NAT1: variants seen among roughly 807,000 people sequenced by gnomAD.
The protein encoded by NAT1 is N-acetyltransferase 1.
For synonymous variants in NAT1, 144 were observed against 122.6 expected (o/e 1.17, Z -1.16); for missense variants, 400 against 339.2 (o/e 1.18, Z -1.41).
chr8:18,205,913 G>C (rs1423627915), upstream of NAT1, among the ~76,000 whole-genome samples: 1 of 152,198 alleles, frequency 6.6e-6, no homozygotes. Flanking sequence ...GGCCCTATTT[G>C]ATGGGCAAGA....
At chr8:18,178,027 A>G (rs965570080) in intron 2 of NAT1, among the ~76,000 whole-genome samples, 7 of 152,102 alleles carry the variant, frequency 4.6e-5, no homozygotes, top group African/African-American at 1.7e-4. Flanking sequence ...TTTCTAACAA[A>G]TGGTGCAATT....
intron 2 of NAT1, among the ~76,000 whole-genome samples, chr8:18,201,917 A>C (rs1393753537): frequency 1.3e-5 from 2 of 152,238 alleles, no homozygotes. Context: ...TGAAGTCAGT[A>C]ATCTCATGAA....
At chr8:18,208,807 G>A (rs181926987), upstream of NAT1, among the ~76,000 whole-genome samples, 9 of 152,252 alleles carry the variant, frequency 5.9e-5, no homozygotes, top group East Asian at 1.7e-3. Context: ...TTAGACCCCC[G>A]CCCCGGGTCA....
At chr8:18,178,286 A>C (rs928321898) in intron 2 of NAT1, among the ~76,000 whole-genome samples, 20 of 143,156 alleles carry the variant, frequency 1.4e-4, no homozygotes, top group African/African-American at 5.8e-4. Flanking sequence ...GTGACTTCTT[A>C]GACAGCATTC....
chr8:18,199,037 G>C (rs1457680307), intron 2 of NAT1, among the ~76,000 whole-genome samples: 1 of 151,440 alleles, frequency 6.6e-6, no homozygotes, highest in Non-Finnish European at 1.5e-5. Context: ...TTTTTGGCCT[G>C]GTGATGTGGC....
chr8:18,220,470 C>A (rs1805166076), intron 2 of NAT1, among the ~76,000 whole-genome samples: 1 of 152,102 alleles, frequency 6.6e-6, no homozygotes, highest in Non-Finnish European at 1.5e-5. Flanking sequence ...CTGTACAGCA[C>A]TGTTACAATC....
chr8:18,191,887 TAGA>T (rs1189763010), intron 2 of NAT1, among the ~76,000 whole-genome samples: 1 of 152,060 alleles, frequency 6.6e-6, no homozygotes, highest in Non-Finnish European at 1.5e-5. Flanking sequence ...ATAAAAACCC[TAGA>T]AGAAGACCTA....
At chr8:18,180,276 G>C (rs565217027) in intron 2 of NAT1, among the ~76,000 whole-genome samples, 2 of 152,244 alleles carry the variant, frequency 1.3e-5, no homozygotes, top group South Asian at 4.2e-4. Context: ...TTCACACTTA[G>C]ATGAAGGGAA....
chr8:18,208,914 A>G (rs1409315330), upstream of NAT1, among the ~76,000 whole-genome samples: 1 of 152,176 alleles, frequency 6.6e-6, no homozygotes, highest in Non-Finnish European at 1.5e-5. Context: ...TAAAACAAAG[A>G]TTTGCATTCA....
At position 18,192,176 on chromosome 8, in the gene NAT1, A is replaced by T. The variant is rs560579003; in HGVS notation, n.93-17605A>T. 2.2e-4 allele frequency among the ~76,000 whole-genome samples: 33 copies of T among 152,142 alleles called. 1 individual carries two copies. Among genetic ancestry groups the T allele is most frequent in the African/African-American group, 7.5e-4 (31 of 41,486 alleles). On this transcript the variant is annotated intron_variant and non_coding_transcript_variant, in intron 2 of 4. Coordinates refer to the NAT1 transcript ENST00000517441. ...CAAACAACCCCATCAAAAAGTGGGCAAAGGATATGAACAGACACTTCTCAA... is the reference window on the plus strand; with the variant it reads ...CAAACAACCCCATCAAAAAGTGGGCTAAGGATATGAACAGACACTTCTCAA...
Position 18,222,691 on chromosome 8 carries a change from CTG to C in NAT1, c.648_649del (p.Phe217TyrfsTer2), listed in dbSNP as rs775766199. 2.5e-6 allele frequency: 4 copies of C among 1,614,010 alleles called. No individual in the cohort carries two copies. In the South Asian group the frequency reaches 4.4e-5, roughly 18 times the overall value. The stretch of plus-strand genomic sequence containing the variant: ...ACATACCTGCAGACATCTCCATCAT[CTG>C]TGTTTACTAGTAAATCATTTTGTTC... On this transcript the variant is annotated frameshift_variant, in exon 3 of 3. Coordinates refer to ENST00000307719, the MANE Select transcript of NAT1 (RefSeq NM_000662.8). LOFTEE classifies it low-confidence loss of function (END_TRUNC).
At chr8:18,215,193 C>T (rs1484456519) in intron 1 of NAT1, among the ~76,000 whole-genome samples, 3 of 152,176 alleles carry the variant, frequency 2.0e-5, no homozygotes, top group African/African-American at 7.2e-5. Context: ...GCCACATTTT[C>T]TTTATCCAAT....
At chr8:18,206,975 G>T (rs1305499927), upstream of NAT1, among the ~76,000 whole-genome samples, 1 of 152,054 alleles carries the variant, frequency 6.6e-6, no homozygotes. Flanking sequence ...GTGTTGCCTA[G>T]ATTTTCTTCT....
upstream of NAT1, among the ~76,000 whole-genome samples, chr8:18,206,485 G>A (rs1221097358): frequency 6.6e-6 from 1 of 152,146 alleles, no homozygotes; most frequent in Admixed American, 6.5e-5. Context: ...ATCTTCACAA[G>A]GCAAAGATGC....
rs1456672837 is a variant in NAT1, at chr8:18,222,106, A to T, written c.59A>T (p.Asp20Val). 3.7e-6 allele frequency: 6 copies of T among 1,614,012 alleles called. No homozygotes were observed. In the African/African-American group the frequency reaches 6.7e-5, roughly 18 times the overall value. The change falls in exon 3 of 3, where the codon GAC becomes GTC. Residue 20 changes from aspartate (D) to valine (V), a missense_variant. Coordinates refer to ENST00000307719, the MANE Select transcript of NAT1 (RefSeq NM_000662.8). The stretch of plus-strand genomic sequence containing the variant: ...TATAAGAAGTCTAGGAACAAATTGG[A>T]CTTGGAAACATTAACTGACATTCTT... ...IGYKKSRNKL[D>V]LETLTDILQH...
At chr8:18,200,933 G>A (rs979308837) in intron 2 of NAT1, 5 of 152,256 alleles carry the variant, frequency 3.3e-5, no homozygotes, top group South Asian at 2.1e-4. Flanking sequence ...TCTGAAGAAG[G>A]TTTAAGTTTT....
chr8:18,174,918 C>T (rs1472747976), intron 2 of NAT1, among the ~76,000 whole-genome samples: 3 of 152,076 alleles, frequency 2.0e-5, no homozygotes, highest in Non-Finnish European at 4.4e-5. Flanking sequence ...AAAGGGTTTA[C>T]GGTCTCCCCA....
At chr8:18,190,512 G>A (rs141459011) in intron 2 of NAT1, among the ~76,000 whole-genome samples, 5 of 152,258 alleles carry the variant, frequency 3.3e-5, no homozygotes, top group East Asian at 1.9e-4. Flanking sequence ...TAGCCCAGGC[G>A]AAAAACTTTC....
Position 18,177,918 on chromosome 8 carries a change from G to A in NAT1, n.92+7179G>A, listed in dbSNP as rs1003094311. On this transcript the variant is annotated intron_variant and non_coding_transcript_variant, in intron 2 of 4. Transcript: ENST00000517441. ...CCCTTCCAGTTTTGAGGTTATCTTAGCTTTTGATTTTCACAGTATTGAACA... is the reference window on the plus strand; with the variant it reads ...CCCTTCCAGTTTTGAGGTTATCTTAACTTTTGATTTTCACAGTATTGAACA... Among the ~76,000 whole-genome samples the A allele has an allele frequency of 3.3e-5, 5 of 152,060 alleles. No homozygotes were observed. In the East Asian group the frequency reaches 7.7e-4, roughly 23 times the overall value.
Sources: gnomAD v4.1 joint callset for allele counts (sites outside exome capture counted in the v4.1 genomes callset) on GRCh38, gnomAD v4.1.1 for gene constraint, MANE v1.5 for transcripts, NCBI Gene and HGNC (gene_info 2026-07-23, HGNC 2026-07-21) for gene names.